C13orf42: variants seen among roughly 807,000 people sequenced by gnomAD.
C13orf42 encodes chromosome 13 open reading frame 42.
At chr13:51,123,941 A>G (rs1423536067) in intron 1 of C13orf42, among the ~76,000 whole-genome samples, 1 of 152,220 alleles carries the variant, frequency 6.6e-6, no homozygotes, top group Non-Finnish European at 1.5e-5. Flanking sequence ...ATGAAAAGCT[A>G]CCAGCCACCA....
rs557088005 is a variant in C13orf42 at position 51,152,302 on chromosome 13, G to C, written n.136+19951C>G. Among the ~76,000 whole-genome samples the C allele has an allele frequency of 2.4e-3, 365 of 152,258 alleles. 4 individuals are homozygous for C. Among genetic ancestry groups the C allele is most frequent in the Admixed American group, 2.7e-3 (42 of 15,302 alleles). Reference sequence around the variant, plus strand: ...ACGTCTCCTGTGGAAACATTTAGCAGGCTTTATTTTATAAACACTTGGTTA... The same window carrying C: ...ACGTCTCCTGTGGAAACATTTAGCACGCTTTATTTTATAAACACTTGGTTA... On this transcript the variant is annotated intron_variant and non_coding_transcript_variant, in intron 1 of 4. Coordinates refer to the C13orf42 transcript ENST00000433280.
intron 1 of C13orf42, among the ~76,000 whole-genome samples, chr13:51,146,346 A>G (rs1953735372): frequency 6.6e-6 from 1 of 152,160 alleles, no homozygotes; most frequent in Non-Finnish European, 1.5e-5. Context: ...GCTACGGTCC[A>G]TGTGGAACAA....
chr13:51,099,655 G>A (rs1406558446), intron 1 of C13orf42, among the ~76,000 whole-genome samples: 1 of 152,088 alleles, frequency 6.6e-6, no homozygotes, highest in Non-Finnish European at 1.5e-5. Flanking sequence ...TTTGTTTAGA[G>A]GCAGAATATC....
chr13:51,113,952 G>A (rs941924945), upstream of C13orf42, among the ~76,000 whole-genome samples: 11 of 152,236 alleles, frequency 7.2e-5, no homozygotes, highest in African/African-American at 2.7e-4. Context: ...TGGTGTCAGA[G>A]CCTTGAGGCT....
rs544960683 is a variant in C13orf42 at position 51,083,236 on chromosome 13, A to G, written c.*915T>C. ...GGGTACAACTATTGCAAAAATGTAA[A>G]AAGTATTTAGAAATACAAAGAATAT... On this transcript the variant is annotated 3_prime_UTR_variant, in exon 4 of 4. Coordinates refer to ENST00000563710, the MANE Select transcript of C13orf42 (RefSeq NM_001351589.3). 177 of 152,364 alleles carry G rather than the reference A, an allele frequency of 1.2e-3. No homozygotes were observed. Among genetic ancestry groups the G allele is most frequent in the African/African-American group, 3.5e-3 (147 of 41,578 alleles). The allele number at this position is 152,364 out of a possible 1,614,324, so 9.4% of individuals were successfully genotyped here. A position where few individuals can be genotyped will look rare whatever the true frequency, so the allele number is the denominator to read the frequency against.
At chr13:51,114,531 T>C (rs1272732589), upstream of C13orf42, among the ~76,000 whole-genome samples, 1 of 152,212 alleles carries the variant, frequency 6.6e-6, no homozygotes, top group Admixed American at 6.5e-5. Flanking sequence ...TTATTTCACT[T>C]ATCATAATGT....
At chr13:51,087,396 CTTTTT>C (rs949214450) in intron 2 of C13orf42, among the ~76,000 whole-genome samples, 2 of 152,034 alleles carry the variant, frequency 1.3e-5, no homozygotes, top group African/African-American at 2.4e-5. Flanking sequence ...CATTTCATTT[CTTTTT>C]TTTAAGTTGT....
intron 1 of C13orf42, among the ~76,000 whole-genome samples, chr13:51,132,945 C>T (rs1410919824): frequency 6.6e-6 from 1 of 152,174 alleles, no homozygotes; most frequent in Non-Finnish European, 1.5e-5. Context: ...GTCGTCCTCA[C>T]TGCTACACCC....
chr13:51,120,389 G>A (rs974723772), intron 1 of C13orf42, among the ~76,000 whole-genome samples: 1 of 152,104 alleles, frequency 6.6e-6, no homozygotes, highest in Non-Finnish European at 1.5e-5. Context: ...TATCCTTGCC[G>A]CATTATGAGA....
intron 1 of C13orf42, among the ~76,000 whole-genome samples, chr13:51,121,355 C>T (rs570297039): frequency 6.6e-6 from 1 of 152,110 alleles, no homozygotes; most frequent in East Asian, 1.9e-4. Flanking sequence ...AAAAATGATA[C>T]CTGGGGTTGC....
chr13:51,117,973 A>C (rs1247780709), intron 1 of C13orf42, among the ~76,000 whole-genome samples: 1 of 152,190 alleles, frequency 6.6e-6, no homozygotes, highest in East Asian at 1.9e-4. Context: ...CCAATAGAAA[A>C]ATGGGAAGGA....
intron 1 of C13orf42, among the ~76,000 whole-genome samples, chr13:51,138,851 G>C (rs543938931): frequency 6.6e-6 from 1 of 152,266 alleles, no homozygotes; most frequent in East Asian, 1.9e-4. Flanking sequence ...TCCATTGGCA[G>C]ATAAATGGAT....
rs1004389158 is a variant in C13orf42, at chr13:51,085,441, C to T, written c.681G>A (p.Arg227=). The change falls in exon 3 of 4, where the codon AGG becomes AGA. Residue 227 remains arginine, a synonymous_variant. Coordinates refer to ENST00000563710, the MANE Select transcript of C13orf42 (RefSeq NM_001351589.3). ...TGCCCACGGTCCTGTGCTCGGTGCT[C>T]CTTCGAAACTGGCCGTCTACAGTAT... ...TVHTVDGQFR[R]STEHRTVGTQ... is the part of the protein sequence containing the mutation. 3 of 398,480 alleles carry T rather than the reference C, an allele frequency of 7.5e-6. No homozygotes were observed. The highest frequency in any genetic ancestry group is 4.4e-5 in the Admixed American group (1 of 22,716). The allele number at this position is 398,480 out of a possible 1,614,324, so 24.7% of individuals were successfully genotyped here. A position where few individuals can be genotyped will look rare whatever the true frequency, so the allele number is the denominator to read the frequency against.
chr13:51,159,091 G>A (rs1028720151), intron 1 of C13orf42, among the ~76,000 whole-genome samples: 8 of 152,048 alleles, frequency 5.3e-5, no homozygotes, highest in Non-Finnish European at 7.4e-5. Context: ...CTCTCCACAC[G>A]CAGACTTTTG....
chr13:51,090,420 A>G (rs1593528573), intron 1 of C13orf42, among the ~76,000 whole-genome samples: 1 of 152,254 alleles, frequency 6.6e-6, no homozygotes, highest in African/African-American at 2.4e-5. Flanking sequence ...GGACAAAGCC[A>G]TTCTTTGGCT....
intron 1 of C13orf42, among the ~76,000 whole-genome samples, chr13:51,143,527 T>C (rs1045985939): frequency 6.6e-6 from 1 of 152,186 alleles, no homozygotes; most frequent in African/African-American, 2.4e-5. Context: ...AAAAAACTAA[T>C]GTAATTGGCT....
chr13:51,114,641 T>G (rs548131753), upstream of C13orf42, among the ~76,000 whole-genome samples: 550 of 92,164 alleles, frequency 6.0e-3, 3 homozygotes, highest in African/African-American at 0.022. Context: ...GATAGATAGA[T>G]AGATAGAGAT....
intron 1 of C13orf42, among the ~76,000 whole-genome samples, chr13:51,143,304 T>G (rs1953709963): frequency 6.6e-6 from 1 of 152,146 alleles, no homozygotes; most frequent in Non-Finnish European, 1.5e-5. Flanking sequence ...GGTGGGCGCA[T>G]AAGATTGTAA....
chr13:51,129,792 T>C (rs1232637205), intron 1 of C13orf42, among the ~76,000 whole-genome samples: 1 of 152,194 alleles, frequency 6.6e-6, no homozygotes, highest in Non-Finnish European at 1.5e-5. Context: ...AGGGGTACCT[T>C]AGGATAGAAC....
Sources: allele counts gnomAD v4.1 joint callset (sites outside exome capture counted in the v4.1 genomes callset), GRCh38; gene constraint gnomAD v4.1.1; transcripts MANE v1.5; gene names NCBI Gene and HGNC (gene_info 2026-07-23, HGNC 2026-07-21).